RP1: variants seen among roughly 807,000 people sequenced by gnomAD.
RP1 encodes RP1 axonemal microtubule associated.
In RP1, 16 loss-of-function variants were observed where a neutral mutation model predicts 14.8. The observed-to-expected ratio is 1.08, with a 90% CI of 0.73 to 1.65. RP1 has a LOEUF of 1.65. Among genes scored for constraint, RP1 ranks in the 40% most tolerant of loss-of-function variants. The probability of loss-of-function intolerance (pLI) is 0.00; values close to 1 mark genes in which losing one functional copy is unlikely to be tolerated. For missense variants in RP1, 2,631 were observed against 2,535.0 expected (o/e 1.04, Z -0.81); for synonymous variants, 876 against 883.6 (o/e 0.99, Z 0.15).
rs1351329198 is a variant in RP1 at position 54,629,839 on chromosome 8, G to A, written c.5957G>A (p.Gly1986Asp). 5.0e-6 allele frequency: 8 copies of A among 1,613,504 alleles called. No homozygotes were observed. The highest frequency in any genetic ancestry group is 6.8e-6 in the Non-Finnish European group (8 of 1,179,862). Residue 1986 changes from glycine to aspartate, a missense_variant, in exon 4 of 4, where the codon GGT becomes GAT. Transcript: ENST00000220676. ...MRQNLIDNAI[G>D]DIFDQFYFSN... Reference sequence around the variant, plus strand: ...CAAAATCTTATTGATAATGCCATTGGTGATATATTTGATCAGTTTTATTTC... The same window carrying A: ...CAAAATCTTATTGATAATGCCATTGATGATATATTTGATCAGTTTTATTTC...
chr8:54,757,072 T>G (rs1224650660), intron 21 of RP1, among the ~76,000 whole-genome samples: 2 of 152,198 alleles, frequency 1.3e-5, no homozygotes, highest in Non-Finnish European at 2.9e-5. Context: ...TCATTTTAGA[T>G]TTTACATTTT....
Position 54,585,938 on chromosome 8 carries a change from TCG to T in RP1, c.-13+26619_-13+26620del, listed in dbSNP as rs1563318854. ...GGTTTTTAACTTCTTTGCCATGGGT[TCG>T]AACTTCCTCCTTTAGCTCGGAGTAG... On this transcript the variant is annotated intron_variant, in intron 1 of 22. Transcript: ENST00000636932. Among the ~76,000 whole-genome samples the T allele has an allele frequency of 5.7e-3, 861 of 152,152 alleles. 9 individuals carry two copies. Among genetic ancestry groups the T allele is most frequent in the African/African-American group, 0.02 (827 of 41,400 alleles).
chr8:54,774,407 G>A (rs1342359874), downstream of RP1, among the ~76,000 whole-genome samples: 2 of 152,160 alleles, frequency 1.3e-5, no homozygotes, highest in East Asian at 3.8e-4. Flanking sequence ...TTCCAGCAGG[G>A]CTAAGTGGGA....
chr8:54,719,486 T>C (rs1048546401), intron 15 of RP1, among the ~76,000 whole-genome samples: 1 of 152,226 alleles, frequency 6.6e-6, no homozygotes, highest in African/African-American at 2.4e-5. Flanking sequence ...AGTCATTAGT[T>C]GGGACTGAAA....
intron 15 of RP1, chr8:54,720,092 T>C: frequency 7.1e-7 from 1 of 1,412,068 alleles, no homozygotes; most frequent in African/African-American, 1.4e-5. Context: ...TTTTAGGACT[T>C]GCTCACATTT....
chr8:54,766,730 C>T (rs1316652668), intron 22 of RP1, among the ~76,000 whole-genome samples: 2 of 152,194 alleles, frequency 1.3e-5, no homozygotes, highest in African/African-American at 4.8e-5. Flanking sequence ...ACACGTTCCA[C>T]AATTGTCTAC....
chr8:54,809,890 G>C (rs994773547), intron 24 of RP1, among the ~76,000 whole-genome samples: 1 of 152,186 alleles, frequency 6.6e-6, no homozygotes, highest in African/African-American at 2.4e-5. Context: ...AAAAACATTT[G>C]TCAGTATTCC....
At chr8:54,811,311 G>A (rs1014568355) in intron 24 of RP1, among the ~76,000 whole-genome samples, 22 of 152,266 alleles carry the variant, frequency 1.4e-4, no homozygotes, top group African/African-American at 5.1e-4. Flanking sequence ...GCTGCTTCCT[G>A]TAATGATTAT....
rs546222889 is a variant in RP1 at position 54,585,434 on chromosome 8, T to A, written c.-13+26114T>A. 5.6e-4 allele frequency among the ~76,000 whole-genome samples: 85 copies of A among 152,344 alleles called. 2 individuals are homozygous for A. In the South Asian group the frequency reaches 0.016, roughly 29 times the overall value. ...TCTCTCTGGCTGCCCTTAACATTTT[T>A]TCCTTCATTTCAACTTTGGTGAATC... On this transcript the variant is annotated intron_variant, in intron 1 of 22. Coordinates refer to the RP1 transcript ENST00000636932.
At chr8:54,602,856 T>A (rs1448124856) in intron 1 of RP1, among the ~76,000 whole-genome samples, 1 of 152,238 alleles carries the variant, frequency 6.6e-6, no homozygotes, top group Non-Finnish European at 1.5e-5. Flanking sequence ...TGTCTGTTCA[T>A]ATCCTTTGCC....
chr8:54,701,502 C>T lies in RP1; in HGVS notation c.1838C>T (p.Thr613Ile), dbSNP rs756667032. ...TCCTTTTAGGTTAGTGGTGAAGCCA[C>T]CACTGAGCTGCGGGTGCTTTATCAG... Residue 613 changes from threonine (T) to isoleucine (I), a missense_variant, in exon 14 of 23, where the codon ACC becomes ATC. By Grantham distance (89) the Thr-to-Ile change is moderately conservative. Transcript: ENST00000636932. 3.3e-6 allele frequency: 5 copies of T among 1,532,658 alleles called. No individual in the cohort carries two copies. The South Asian group carries it at 4.8e-5, about 15-fold the overall frequency. 94.9% of individuals were successfully genotyped at this position (1,532,658 alleles called of 1,614,324 possible).
chr8:54,826,858 T>C (rs1811395716), intron 24 of RP1, among the ~76,000 whole-genome samples: 1 of 152,238 alleles, frequency 6.6e-6, no homozygotes, highest in African/African-American at 2.4e-5. Flanking sequence ...GTAAACATCA[T>C]AGAGTGCACT....
intron 1 of RP1, among the ~76,000 whole-genome samples, chr8:54,581,453 C>A (rs1245681511): frequency 1.3e-5 from 2 of 152,194 alleles, no homozygotes; most frequent in African/African-American, 4.8e-5. Flanking sequence ...GTGAATAGTG[C>A]CGCAATAAAC....
Position 54,668,939 on chromosome 8 carries a change from A to G in RP1, c.1324-4911A>G, listed in dbSNP as rs182036741. On this transcript the variant is annotated intron_variant, in intron 7 of 22. Coordinates refer to the RP1 transcript ENST00000636932. ...CCATAAAAACTCTAGAAGAAAACCTAGGCAATACTATTCAGGACATAGGCA... is the reference window on the plus strand; with the variant it reads ...CCATAAAAACTCTAGAAGAAAACCTGGGCAATACTATTCAGGACATAGGCA... 5.0e-3 allele frequency among the ~76,000 whole-genome samples: 760 copies of G among 152,324 alleles called. 5 individuals are homozygous for G. Among genetic ancestry groups the G allele is most frequent in the Non-Finnish European group, 7.4e-3 (502 of 68,022 alleles).
downstream of RP1, among the ~76,000 whole-genome samples, chr8:54,633,631 C>T (rs780090722): frequency 6.6e-6 from 1 of 150,580 alleles, no homozygotes; most frequent in African/African-American, 2.4e-5. Context: ...CTTTAAAAAG[C>T]CATTAGTGTG....
chr8:54,669,251 A>G (rs150069503), intron 7 of RP1, among the ~76,000 whole-genome samples: 3 of 152,222 alleles, frequency 2.0e-5, no homozygotes, highest in African/African-American at 7.2e-5. Flanking sequence ...GAAGACATTT[A>G]TGTGGCCAAC....
chr8:54,643,433 G>A (rs995767404), intron 3 of RP1, among the ~76,000 whole-genome samples: 3 of 152,132 alleles, frequency 2.0e-5, no homozygotes, highest in African/African-American at 7.2e-5. Flanking sequence ...TTTTCTAGCA[G>A]TTCTTCTGTG....
chr8:54,832,700 T>A (rs1313922771), intron 24 of RP1, among the ~76,000 whole-genome samples: 2 of 151,790 alleles, frequency 1.3e-5, no homozygotes, highest in African/African-American at 4.8e-5. Context: ...TGGATAATAG[T>A]GCAGTAACTC....
At chr8:54,633,474 A>C (rs1362801669), downstream of RP1, among the ~76,000 whole-genome samples, 1 of 152,082 alleles carries the variant, frequency 6.6e-6, no homozygotes, top group Non-Finnish European at 1.5e-5. Flanking sequence ...AGGTATTGAA[A>C]CTACATTCCA....
Sources: gnomAD v4.1 joint callset for allele counts (sites outside exome capture counted in the v4.1 genomes callset) on GRCh38, gnomAD v4.1.1 for gene constraint, MANE v1.5 for transcripts, NCBI Gene and HGNC (gene_info 2026-07-23, HGNC 2026-07-21) for gene names.